Variants in N4BP2 observed in about 807,000 individuals in gnomAD.
N4BP2 encodes NEDD4 binding protein 2, also known as NEDD4-binding protein 2.
Under a neutral mutation model 152.8 loss-of-function variants are expected in N4BP2, and 91 were observed. That is an observed-to-expected ratio of 0.60 (90% CI 0.50 to 0.71). The LOEUF (loss-of-function observed/expected upper bound fraction) is 0.71, where lower values mean the gene tolerates loss of function less well. N4BP2 is among the 30% of genes least tolerant of loss of function. N4BP2 has a pLI of 0.00. For synonymous variants in N4BP2, 646 were observed against 705.3 expected (o/e 0.92, Z 1.33); for missense variants, 1,923 against 2,059.1 (o/e 0.93, Z 1.28).
chr4:40,110,784 C>A (rs116663307), intron 5 of N4BP2, among the ~76,000 whole-genome samples: 16 of 152,202 alleles, frequency 1.1e-4, no homozygotes, highest in Non-Finnish European at 1.9e-4. Context: ...GTGATCCGCC[C>A]GCCTCAGTAT....
At chr4:40,133,443 C>G (rs1284743730) in intron 13 of N4BP2, among the ~76,000 whole-genome samples, 1 of 152,034 alleles carries the variant, frequency 6.6e-6, no homozygotes, top group Admixed American at 6.5e-5. Context: ...TCAAGTGATT[C>G]TCCTGCCTCA....
intron 7 of N4BP2, 54 bp downstream of exon 7, chr4:40,113,562 G>A: frequency 8.0e-7 from 1 of 1,255,680 alleles, no homozygotes; most frequent in South Asian, 1.2e-5. Flanking sequence ...GACAGACAAG[G>A]TCCGTTTAGA....
intron 14 of N4BP2, among the ~76,000 whole-genome samples, chr4:40,137,922 A>G (rs1276036934): frequency 6.6e-6 from 1 of 152,160 alleles, no homozygotes; most frequent in African/African-American, 2.4e-5. Context: ...GAACTCCATT[A>G]AAGGAGGAAG....
At chr4:40,169,714 C>T in the N4BP2 span, among the ~76,000 whole-genome samples, 1 of 149,244 alleles carries the variant, frequency 6.7e-6, no homozygotes, top group Non-Finnish European at 1.5e-5. Context: ...CTTGTAATCC[C>T]AGCACTTTGG....
the N4BP2 span, among the ~76,000 whole-genome samples, chr4:40,180,181 G>A: frequency 6.6e-6 from 1 of 152,100 alleles, no homozygotes; most frequent in Non-Finnish European, 1.5e-5. Context: ...CATATAAACA[G>A]ATTATTGATA....
At chr4:40,075,785 C>T (rs926486965) in intron 2 of N4BP2, among the ~76,000 whole-genome samples, 19 of 152,058 alleles carry the variant, frequency 1.2e-4, no homozygotes, top group Non-Finnish European at 2.9e-5. Flanking sequence ...ATACTGTTTT[C>T]CTAAGTGTTT....
intron 10 of N4BP2, among the ~76,000 whole-genome samples, chr4:40,123,416 G>A (rs1456669547): frequency 6.6e-6 from 1 of 152,066 alleles, no homozygotes; most frequent in Non-Finnish European, 1.5e-5. Context: ...CTTTTCAGTA[G>A]TTTAAGTATT....
At position 40,122,143 on chromosome 4, in the gene N4BP2, A is replaced by G; in HGVS notation, c.4032A>G (p.Ala1344=). ...DEKEMKEILM[A]GSSLSAGVSG... ...AGGAAATGAAGGAAATTCTAATGGC[A>G]GGAAGTAGTTTATCAGCTGGAGTTA... Residue 1344 remains alanine, a synonymous_variant, in exon 9 of 18, where the codon GCA becomes GCG. Transcript: ENST00000261435. 6.2e-7 allele frequency: 1 copy of G among 1,610,522 alleles called. No homozygotes were observed. Among genetic ancestry groups the G allele is most frequent in the Non-Finnish European group, 8.5e-7 (1 of 1,177,994 alleles).
intron 16 of N4BP2, among the ~76,000 whole-genome samples, chr4:40,147,547 C>G (rs1466421614): frequency 4.7e-5 from 7 of 148,642 alleles, no homozygotes; most frequent in African/African-American, 1.7e-4. Flanking sequence ...GAGGCGCCCC[C>G]CACCTCCCTC....
chr4:40,119,113 T>G (rs1267178598), intron 8 of N4BP2, among the ~76,000 whole-genome samples: 2 of 152,212 alleles, frequency 1.3e-5, no homozygotes, highest in Non-Finnish European at 2.9e-5. Flanking sequence ...TTACAAATCT[T>G]TCTGTACTTC....
intron 12 of N4BP2, among the ~76,000 whole-genome samples, chr4:40,127,692 G>A (rs1305106668): frequency 2.0e-5 from 3 of 151,662 alleles, no homozygotes; most frequent in Admixed American, 6.6e-5. Flanking sequence ...ATGGAGTCTC[G>A]CTCTGTCGCC....
chr4:40,114,452 T>C (rs1216468024), intron 7 of N4BP2, among the ~76,000 whole-genome samples: 2 of 152,234 alleles, frequency 1.3e-5, no homozygotes, highest in Non-Finnish European at 2.9e-5. Context: ...CTGTTGCGTA[T>C]ACTGCATATA....
At chr4:40,133,534 C>G (rs939746087) in intron 13 of N4BP2, among the ~76,000 whole-genome samples, 19 of 152,096 alleles carry the variant, frequency 1.2e-4, no homozygotes, top group Non-Finnish European at 2.9e-5. Flanking sequence ...CAAGGTTTCA[C>G]TATGTTGGCC....
At chr4:40,085,987 C>T (rs557107710) in intron 2 of N4BP2, among the ~76,000 whole-genome samples, 28 of 150,544 alleles carry the variant, frequency 1.9e-4, no homozygotes, top group Middle Eastern at 3.4e-3. Flanking sequence ...TTTTTTGAGA[C>T]GGAGTTTTGC....
At chr4:40,186,563 C>T in the N4BP2 span, among the ~76,000 whole-genome samples, 72 of 152,334 alleles carry the variant, frequency 4.7e-4, 1 homozygote, top group African/African-American at 1.7e-3. Flanking sequence ...GTCTGCAGCC[C>T]CAGGACTGGG....
chr4:40,068,911 G>A (rs1711842693), intron 1 of N4BP2, among the ~76,000 whole-genome samples: 2 of 152,062 alleles, frequency 1.3e-5, no homozygotes, highest in Non-Finnish European at 2.9e-5. Context: ...TTGAGGTCAG[G>A]GGTTCAAGAC....
At chr4:40,166,176 G>T in the N4BP2 span, among the ~76,000 whole-genome samples, 2 of 152,146 alleles carry the variant, frequency 1.3e-5, no homozygotes, top group African/African-American at 4.8e-5. Context: ...TTCTTTGTTA[G>T]TAGGCAGGAG....
the N4BP2 span, chr4:40,166,866 C>G: frequency 6.6e-6 from 1 of 152,148 alleles, no homozygotes; most frequent in Non-Finnish European, 1.5e-5. Context: ...AAGCATTTAT[C>G]CTTTGTGTTA....
the N4BP2 span, among the ~76,000 whole-genome samples, chr4:40,172,425 A>G: frequency 2.8e-4 from 42 of 152,160 alleles, no homozygotes; most frequent in Non-Finnish European, 4.9e-4. Flanking sequence ...TTGACACTCA[A>G]TATTAACCAC....
Sources: gnomAD v4.1 joint callset for allele counts (sites outside exome capture counted in the v4.1 genomes callset) on GRCh38, gnomAD v4.1.1 for gene constraint, MANE v1.5 for transcripts, NCBI Gene and HGNC (gene_info 2026-07-23, HGNC 2026-07-21) for gene names.